RHBDD1: variants seen among roughly 807,000 people sequenced by gnomAD.
RHBDD1 encodes rhomboid domain containing 1.
Under a neutral mutation model 36.3 loss-of-function variants are expected in RHBDD1, and 38 were observed. The observed-to-expected ratio is 1.05, with a 90% CI of 0.81 to 1.37. The LOEUF (loss-of-function observed/expected upper bound fraction) is 1.37. Among genes scored for constraint, RHBDD1 ranks in the 40% most tolerant of loss-of-function variants. The pLI is 0.00. For missense variants in RHBDD1, 393 were observed against 377.6 expected (o/e 1.04, Z -0.34); for synonymous variants, 151 against 136.5 (o/e 1.11, Z -0.74).
chr2:226,879,923 C>G lies in RHBDD1; in HGVS notation c.566+12605C>G, dbSNP rs557990121. ...TGAGAGGGGAGAAGAGTGGCTGTCT[C>G]AGATTTAGGTTTCTAAAGGAAGGTT... is the stretch of plus-strand genomic sequence containing the variant. On this transcript the variant is annotated intron_variant, in intron 5 of 8. Transcript: ENST00000392062. 1.4e-4 allele frequency among the ~76,000 whole-genome samples: 21 copies of G among 152,228 alleles called. 1 individual carries two copies. The highest frequency in any genetic ancestry group is 1.3e-3 in the Admixed American group (20 of 15,294).
intron 8 of RHBDD1, among the ~76,000 whole-genome samples, chr2:226,956,088 C>T (rs537411951): frequency 3.4e-4 from 52 of 152,240 alleles, no homozygotes; most frequent in Middle Eastern, 3.4e-3. Flanking sequence ...ATGAGTTGCA[C>T]AGATTGTATG....
chr2:226,818,986 G>A, the RHBDD1 span, among the ~76,000 whole-genome samples: 1 of 152,142 alleles, frequency 6.6e-6, no homozygotes, highest in Non-Finnish European at 1.5e-5. Context: ...CATGACTCCA[G>A]ATCATTTCCC....
At chr2:226,933,561 A>G (rs1210544233) in intron 8 of RHBDD1, among the ~76,000 whole-genome samples, 1 of 152,058 alleles carries the variant, frequency 6.6e-6, no homozygotes, top group Non-Finnish European at 1.5e-5. Flanking sequence ...TCCAGCAGAG[A>G]CTGTCCTAGG....
At chr2:226,891,210 A>G (rs1946653168) in intron 5 of RHBDD1, among the ~76,000 whole-genome samples, 1 of 152,176 alleles carries the variant, frequency 6.6e-6, no homozygotes, top group African/African-American at 2.4e-5. Context: ...TGAAGGCTTG[A>G]CTGGGGAAGG....
chr2:226,802,020 A>AC, the RHBDD1 span, among the ~76,000 whole-genome samples: 2 of 145,876 alleles, frequency 1.4e-5, no homozygotes, highest in Non-Finnish European at 3.0e-5. Context: ...CCGTCCCTCC[A>AC]CCCCCCACCC....
At chr2:226,825,902 T>TTAA in the RHBDD1 span, among the ~76,000 whole-genome samples, 1 of 152,068 alleles carries the variant, frequency 6.6e-6, no homozygotes, top group Non-Finnish European at 1.5e-5. Context: ...ATGGTCACTA[T>TTAA]TATTATTAAG....
intron 8 of RHBDD1, among the ~76,000 whole-genome samples, chr2:226,942,184 T>C (rs1950703476): frequency 6.6e-6 from 1 of 152,112 alleles, no homozygotes; most frequent in Admixed American, 6.6e-5. Flanking sequence ...AATTGGCCCA[T>C]GTAACTTAGC....
chr2:226,845,198 C>A (rs923470466), intron 3 of RHBDD1, among the ~76,000 whole-genome samples: 24 of 152,304 alleles, frequency 1.6e-4, no homozygotes, highest in African/African-American at 4.6e-4. Context: ...GTAATTTAAT[C>A]ACACTATGCA....
chr2:226,902,700 A>G (rs962149504), intron 5 of RHBDD1, among the ~76,000 whole-genome samples: 1 of 152,244 alleles, frequency 6.6e-6, no homozygotes, highest in Non-Finnish European at 1.5e-5. Context: ...TATAAAGCTT[A>G]AATGAAACAA....
intron 3 of RHBDD1, among the ~76,000 whole-genome samples, chr2:226,849,759 A>G (rs1448153368): frequency 2.6e-5 from 4 of 152,210 alleles, no homozygotes; most frequent in Non-Finnish European, 5.9e-5. Flanking sequence ...TATCTATATC[A>G]TCTGTATCTA....
chr2:226,940,152 T>A (rs371595425), intron 8 of RHBDD1, among the ~76,000 whole-genome samples: 1 of 152,062 alleles, frequency 6.6e-6, no homozygotes, highest in East Asian at 1.9e-4. Flanking sequence ...AACCAAAAAC[T>A]GTAAAAACCC....
intron 8 of RHBDD1, among the ~76,000 whole-genome samples, chr2:226,933,024 C>T (rs1002778516): frequency 1.3e-5 from 2 of 152,050 alleles, no homozygotes; most frequent in East Asian, 1.9e-4. Flanking sequence ...GAAGCAGGCA[C>T]GTTCTTCGCA....
rs1386858489 is a variant in RHBDD1 at position 226,996,458 on chromosome 2, C to G, written c.*936C>G. 6.6e-6 allele frequency: 1 copy of G among 152,242 alleles called. No homozygotes were observed. The highest frequency in any genetic ancestry group is 1.9e-4 in the East Asian group (1 of 5,198). The allele number at this position is 152,242 out of a possible 1,614,324, so 9.4% of individuals were successfully genotyped here. On this transcript the variant is annotated 3_prime_UTR_variant, in exon 9 of 9. Transcript: ENST00000392062. ...TTGGGCCCCGCCACGTTACAATCCA[C>G]AGATTGTCTGTCTGAGTCGTTTAAG...
At chr2:226,923,296 T>A (rs1176090092) in intron 8 of RHBDD1, among the ~76,000 whole-genome samples, 2 of 152,206 alleles carry the variant, frequency 1.3e-5, no homozygotes, top group African/African-American at 4.8e-5. Flanking sequence ...TATACTATTA[T>A]AGGATAAATT....
intron 5 of RHBDD1, among the ~76,000 whole-genome samples, chr2:226,880,198 T>A (rs1437502860): frequency 6.6e-6 from 1 of 152,212 alleles, no homozygotes; most frequent in African/African-American, 2.4e-5. Flanking sequence ...ATACCCTGTT[T>A]CATTTCATAG....
chr2:226,952,235 A>G (rs1951473074), intron 8 of RHBDD1, among the ~76,000 whole-genome samples: 2 of 151,980 alleles, frequency 1.3e-5, no homozygotes, highest in South Asian at 4.2e-4. Flanking sequence ...GTATCTCCCA[A>G]AAAGCTGTAG....
rs558550395 is a variant in RHBDD1, at chr2:226,862,019, T to C, written c.-90-2585T>C. ...ATGTATATGGCTAATTTTGTGTGTG[T>C]ATGCATACACATATATATATACACA... On this transcript the variant is annotated intron_variant, in intron 3 of 8. Coordinates refer to ENST00000392062, the MANE Select transcript of RHBDD1 (RefSeq NM_001167608.3). Among the ~76,000 whole-genome samples the C allele has an allele frequency of 4.6e-5, 7 of 152,360 alleles. No homozygotes were observed. In the South Asian group the frequency reaches 6.2e-4, roughly 14 times the overall value.
chr2:226,862,353 C>CTTT (rs565626444), intron 3 of RHBDD1, among the ~76,000 whole-genome samples: 1 of 130,578 alleles, frequency 7.7e-6, no homozygotes, highest in African/African-American at 2.8e-5. Context: ...AGAATCCTGC[C>CTTT]TTTTTTTTTT....
At chr2:226,961,184 C>T (rs1159530496) in intron 8 of RHBDD1, among the ~76,000 whole-genome samples, 1 of 152,124 alleles carries the variant, frequency 6.6e-6, no homozygotes, top group African/African-American at 2.4e-5. Flanking sequence ...GTTGGAATCC[C>T]AGCTCTGCCT....
Sources: allele counts gnomAD v4.1 joint callset (sites outside exome capture counted in the v4.1 genomes callset), GRCh38; gene constraint gnomAD v4.1.1; transcripts MANE v1.5; gene names NCBI Gene and HGNC (gene_info 2026-07-23, HGNC 2026-07-21).